Variants in PCBD2 observed in about 807,000 individuals in gnomAD.
The protein encoded by PCBD2 is pterin-4-alpha-carbinolamine dehydratase 2.
PCBD2 carries 12 observed loss-of-function variants against 16.4 expected under a neutral mutation model. That is an observed-to-expected ratio of 0.73 (90% CI 0.47 to 1.19). PCBD2 has a LOEUF of 1.19. Among genes scored for constraint, PCBD2 ranks in the 50% most tolerant of loss-of-function variants. The pLI is 0.00. For missense variants in PCBD2, 138 were observed against 156.8 expected (o/e 0.88, Z 0.64); for synonymous variants, 58 against 61.8 (o/e 0.94, Z 0.29).
chr5:134,922,611 G>T (rs182586010), intron 2 of PCBD2, among the ~76,000 whole-genome samples: 3 of 150,624 alleles, frequency 2.0e-5, no homozygotes, highest in Admixed American at 2.0e-4. Flanking sequence ...TGTAAACAAA[G>T]AAAAAAGTTA....
intron 2 of PCBD2, chr5:134,924,599 A>G (rs1750960790): frequency 7.5e-6 from 3 of 398,604 alleles, no homozygotes; most frequent in African/African-American, 2.1e-5. Flanking sequence ...CTGGTTGAAC[A>G]TTGTTTGTTG....
chr5:134,910,199 A>C, intron 1 of PCBD2, 136 bp from the exon 2 acceptor site: 4 of 958,406 alleles, frequency 4.2e-6, no homozygotes, highest in Non-Finnish European at 6.1e-6. Context: ...TCTCTTTAAG[A>C]GAACAAAGGA....
Position 134,960,689 on chromosome 5 carries a change from CA to C in PCBD2, c.*12del. On this transcript the variant is annotated 3_prime_UTR_variant, in exon 4 of 4. Transcript: ENST00000254908. The stretch of plus-strand genomic sequence containing the variant: ...GCAGCTGCTTCTGTGTGATTTCTTC[CA>C]AAATACATGTAAAATCTTGTACACA... 1 of 1,589,798 alleles carries C rather than the reference CA, an allele frequency of 6.3e-7. No individual in the cohort carries two copies. The highest frequency in any genetic ancestry group is 1.1e-5 in the South Asian group (1 of 90,076).
intron 1 of PCBD2, among the ~76,000 whole-genome samples, chr5:134,909,468 G>A (rs566011845): frequency 1.3e-5 from 2 of 152,306 alleles, no homozygotes; most frequent in East Asian, 1.9e-4. Context: ...TCATTCCTTT[G>A]TTCTCAAAAG....
intron 2 of PCBD2, among the ~76,000 whole-genome samples, chr5:134,911,514 C>T (rs1055256153): frequency 6.6e-6 from 1 of 152,130 alleles, no homozygotes. Context: ...TATTGGGTGT[C>T]GGCATCTAGA....
chr5:134,925,219 A>T (rs1429186581), intron 2 of PCBD2: 1 of 398,338 alleles, frequency 2.5e-6, no homozygotes, highest in Non-Finnish European at 4.4e-6. Context: ...GGAGGTGGCG[A>T]TGAGAGTAAT....
At chr5:134,907,278 T>G (rs865902790) in intron 1 of PCBD2, among the ~76,000 whole-genome samples, 1 of 152,262 alleles carries the variant, frequency 6.6e-6, no homozygotes, top group Non-Finnish European at 1.5e-5. Context: ...GGAGTCTCGC[T>G]CTGTTGCCCA....
intron 2 of PCBD2, chr5:134,924,741 G>A (rs1377437912): frequency 1.8e-5 from 7 of 395,190 alleles, no homozygotes; most frequent in African/African-American, 1.4e-4. Flanking sequence ...TGATGATGGA[G>A]GCGGAGATTT....
At chr5:134,928,510 T>C in intron 2 of PCBD2, 2 of 295,328 alleles carry the variant, frequency 6.8e-6, no homozygotes, top group East Asian at 9.6e-5. Context: ...GTAGGGCTCA[T>C]GGCAAGGGTA....
chr5:134,926,605 G>T (rs555749835), intron 2 of PCBD2: 1 of 396,014 alleles, frequency 2.5e-6, no homozygotes, highest in African/African-American at 2.1e-5. Context: ...ATAAGGGGTC[G>T]TGAGCCTCTG....
intron 1 of PCBD2, among the ~76,000 whole-genome samples, chr5:134,907,603 CTG>C (rs1202542503): frequency 6.6e-6 from 1 of 151,486 alleles, no homozygotes; most frequent in Non-Finnish European, 1.5e-5. Context: ...CACTGGAAAA[CTG>C]ATGAATGAAT....
At chr5:134,932,180 T>C (rs1295591470) in intron 2 of PCBD2, among the ~76,000 whole-genome samples, 1 of 152,116 alleles carries the variant, frequency 6.6e-6, no homozygotes, top group Non-Finnish European at 1.5e-5. Flanking sequence ...TTTTTTTTGT[T>C]TCTTTTTATT....
At chr5:134,951,794 T>C (rs765791595) in intron 2 of PCBD2, among the ~76,000 whole-genome samples, 2 of 152,218 alleles carry the variant, frequency 1.3e-5, no homozygotes, top group African/African-American at 4.8e-5. Context: ...TTATCTATTA[T>C]GTCCTTTGCT....
At chr5:134,940,546 C>T (rs1415304097) in intron 2 of PCBD2, among the ~76,000 whole-genome samples, 1 of 152,034 alleles carries the variant, frequency 6.6e-6, no homozygotes, top group Non-Finnish European at 1.5e-5. Flanking sequence ...GCACTGGGTG[C>T]TTGAGGTAAG....
At chr5:134,947,084 T>TA (rs200583446) in intron 2 of PCBD2, among the ~76,000 whole-genome samples, 4 of 150,984 alleles carry the variant, frequency 2.6e-5, no homozygotes, top group African/African-American at 7.3e-5. Flanking sequence ...TGCATGCTAT[T>TA]AAAAAAAAAA....
At chr5:134,925,920 G>T in intron 2 of PCBD2, 2 of 392,052 alleles carry the variant, frequency 5.1e-6, no homozygotes, top group South Asian at 1.3e-4. Flanking sequence ...GGATGAAACC[G>T]ATGTCGCCGA....
At chr5:134,933,157 A>G (rs945017315) in intron 2 of PCBD2, among the ~76,000 whole-genome samples, 3 of 152,200 alleles carry the variant, frequency 2.0e-5, no homozygotes, top group African/African-American at 7.2e-5. Context: ...GGATCATATT[A>G]TAGATATTTT....
chr5:134,955,753 T>A (rs61614076), intron 2 of PCBD2, among the ~76,000 whole-genome samples: 3,872 of 152,324 alleles, frequency 0.025, 150 homozygotes, highest in African/African-American at 0.081. Flanking sequence ...GTTAGTGGTG[T>A]CTATTCTGCT....
At chr5:134,944,149 T>A (rs1454956101) in intron 2 of PCBD2, among the ~76,000 whole-genome samples, 1 of 152,244 alleles carries the variant, frequency 6.6e-6, no homozygotes, top group African/African-American at 2.4e-5. Context: ...GCACATGTGT[T>A]CCTGCACTTT....
Sources: allele counts gnomAD v4.1 joint callset (sites outside exome capture counted in the v4.1 genomes callset), GRCh38; gene constraint gnomAD v4.1.1; transcripts MANE v1.5; gene names NCBI Gene and HGNC (gene_info 2026-07-23, HGNC 2026-07-21).